PDE4B: variants seen among roughly 807,000 people sequenced by gnomAD.
PDE4B encodes phosphodiesterase 4B.
PDE4B carries 20 observed loss-of-function variants against 82.2 expected under a neutral mutation model. The observed-to-expected ratio is 0.24, with a 90% CI of 0.17 to 0.35. The LOEUF is 0.35. Among genes scored for constraint, PDE4B ranks in the 10% least tolerant of loss-of-function variants. The pLI, the probability that PDE4B is intolerant of heterozygous loss-of-function variation, is 1.00. For missense variants in PDE4B, 655 were observed against 907.2 expected, an observed-to-expected ratio of 0.72 and a Z score of 3.57; for synonymous variants, 320 against 318.9, an observed-to-expected ratio of 1.00 and a Z score of -0.04.
intron 7 of PDE4B, among the ~76,000 whole-genome samples, chr1:66,268,667 C>CAAAAAAAAAAAAAAAAAAAAAAAAAA: frequency 1.6e-5 from 1 of 61,238 alleles, no homozygotes; most frequent in Non-Finnish European, 2.8e-5. Context: ...GACTCCATCT[C>CAAAAAAAAAAAAAAAAAAAAAAAAAA]AAAAAAAAAA....
chr1:66,254,999 C>G (rs975454213), intron 4 of PDE4B, among the ~76,000 whole-genome samples: 15 of 151,916 alleles, frequency 9.9e-5, no homozygotes, highest in Admixed American at 3.3e-4. Context: ...GCTCCTTTCT[C>G]TCTCCTCTCT....
At chr1:66,236,570 A>G (rs1232856561) in intron 3 of PDE4B, among the ~76,000 whole-genome samples, 5 of 152,060 alleles carry the variant, frequency 3.3e-5, no homozygotes, top group Non-Finnish European at 7.4e-5. Context: ...CATATGTTTG[A>G]TGAAAATCTT....
chr1:66,319,112 G>A (rs1287859247), intron 7 of PDE4B, among the ~76,000 whole-genome samples: 1 of 152,180 alleles, frequency 6.6e-6, no homozygotes, highest in Non-Finnish European at 1.5e-5. Context: ...AATACAATGC[G>A]ATTTTCATAA....
intron 3 of PDE4B, among the ~76,000 whole-genome samples, chr1:65,955,590 T>A (rs796424708): frequency 6.6e-6 from 1 of 152,264 alleles, no homozygotes; most frequent in African/African-American, 2.4e-5. Flanking sequence ...TTCGAGCCCA[T>A]GTCTACTTCA....
At chr1:65,815,987 C>A (rs561737366) in intron 1 of PDE4B, among the ~76,000 whole-genome samples, 21 of 152,218 alleles carry the variant, frequency 1.4e-4, no homozygotes, top group Non-Finnish European at 2.5e-4. Flanking sequence ...AAAAAAATAA[C>A]AACTGCTTGG....
chr1:66,208,748 CAATG>C (rs999748211), intron 3 of PDE4B, among the ~76,000 whole-genome samples: 1 of 152,058 alleles, frequency 6.6e-6, no homozygotes, highest in African/African-American at 2.4e-5. Flanking sequence ...AAGTGGGCCA[CAATG>C]AGTAGGTCAA....
At chr1:66,019,806 C>T (rs905750685) in intron 3 of PDE4B, among the ~76,000 whole-genome samples, 1 of 152,150 alleles carries the variant, frequency 6.6e-6, no homozygotes, top group Non-Finnish European at 1.5e-5. Context: ...ATAGTGCTAA[C>T]CCAAATCTGA....
chr1:65,802,151 G>A (rs150839517), intron 1 of PDE4B, among the ~76,000 whole-genome samples: 1 of 152,306 alleles, frequency 6.6e-6, no homozygotes, highest in African/African-American at 2.4e-5. Context: ...GACATACAAT[G>A]CTACAACCAG....
intron 3 of PDE4B, among the ~76,000 whole-genome samples, chr1:66,244,439 T>A (rs1325745000): frequency 6.6e-6 from 1 of 152,184 alleles, no homozygotes; most frequent in Non-Finnish European, 1.5e-5. Context: ...TATTTATGTG[T>A]TTGTTTCTGC....
At chr1:66,081,668 T>C (rs1656735312) in intron 3 of PDE4B, among the ~76,000 whole-genome samples, 1 of 152,094 alleles carries the variant, frequency 6.6e-6, no homozygotes. Context: ...TATGAACTAG[T>C]AGAAAGTGTC....
intron 3 of PDE4B, among the ~76,000 whole-genome samples, chr1:66,175,996 T>C (rs17128482): frequency 0.23 from 34,982 of 152,124 alleles, 4,535 homozygotes; most frequent in East Asian, 0.42. Context: ...GACACATTCT[T>C]ATTCAGTTTA....
chr1:66,189,481 A>T (rs1647534330), intron 3 of PDE4B, among the ~76,000 whole-genome samples: 1 of 152,218 alleles, frequency 6.6e-6, no homozygotes, highest in African/African-American at 2.4e-5. Flanking sequence ...AATCAGACGT[A>T]GATTTGGCCT....
At chr1:66,242,598 T>C (rs1652971348) in intron 3 of PDE4B, among the ~76,000 whole-genome samples, 1 of 152,220 alleles carries the variant, frequency 6.6e-6, no homozygotes, top group Non-Finnish European at 1.5e-5. Context: ...GTGCAAGTAA[T>C]TGGGGATCAG....
intron 3 of PDE4B, among the ~76,000 whole-genome samples, chr1:65,950,534 GA>G (rs747882823): frequency 1.3e-5 from 2 of 152,034 alleles, no homozygotes; most frequent in Admixed American, 6.6e-5. Flanking sequence ...ATAGGATGGG[GA>G]AAACGCCAAG....
intron 3 of PDE4B, among the ~76,000 whole-genome samples, chr1:66,091,818 C>G (rs189513275): frequency 6.6e-6 from 1 of 152,144 alleles, no homozygotes; most frequent in Admixed American, 6.6e-5. Flanking sequence ...GTAAATTTTC[C>G]ATGCCAGCAT....
At chr1:65,834,596 A>C (rs1646120437) in intron 1 of PDE4B, among the ~76,000 whole-genome samples, 1 of 152,196 alleles carries the variant, frequency 6.6e-6, no homozygotes, top group Non-Finnish European at 1.5e-5. Context: ...ATTTACACTA[A>C]TGGTCAAATT....
intron 3 of PDE4B, among the ~76,000 whole-genome samples, chr1:66,105,495 A>G (rs1467337677): frequency 2.6e-5 from 4 of 152,080 alleles, no homozygotes; most frequent in Admixed American, 2.0e-4. Flanking sequence ...TGGTAACTTG[A>G]TGGGGATGGC....
At chr1:66,088,144 G>A (rs1644934291) in intron 3 of PDE4B, among the ~76,000 whole-genome samples, 1 of 151,934 alleles carries the variant, frequency 6.6e-6, no homozygotes, top group Admixed American at 6.6e-5. Flanking sequence ...AATGAACTTG[G>A]TGATTGCCTG....
At chr1:66,332,298 G>A in intron 7 of PDE4B, 1 of 1,536,740 alleles carries the variant, frequency 6.5e-7, no homozygotes, top group Non-Finnish European at 8.7e-7. Flanking sequence ...GGGGTTGGGG[G>A]GAAACTTGGC....
Sources: allele counts gnomAD v4.1 joint callset (sites outside exome capture counted in the v4.1 genomes callset), GRCh38; gene constraint gnomAD v4.1.1; transcripts MANE v1.5; gene names NCBI Gene and HGNC (gene_info 2026-07-23, HGNC 2026-07-21).